KIF1A: variants seen among roughly 807,000 people sequenced by gnomAD.
KIF1A encodes the protein kinesin family member 1A.
Under a neutral mutation model 227.3 loss-of-function variants are expected in KIF1A, and 46 were observed. The observed-to-expected ratio is 0.20, with a 90% CI of 0.16 to 0.26. KIF1A has a LOEUF of 0.26. KIF1A is among the 10% of genes least tolerant of loss of function. The pLI is 1.00. For missense variants in KIF1A, 1,683 were observed against 2,485.9 expected (o/e 0.68, Z 6.87); for synonymous variants, 1,022 against 1,012.8 (o/e 1.01, Z -0.17).
rs982977592 is a variant in KIF1A, at chr2:240,720,971, G to A, written c.4811C>T (p.Thr1604Ile). The change falls in exon 45 of 49, where the codon ACC (threonine) becomes ATC (isoleucine). Residue 1604 changes from threonine to isoleucine, a missense_variant. Physicochemically the swap from Thr to Ile is moderately conservative, Grantham distance 89 (BLOSUM62 -1). This residue lies in a region of KIF1A where 384 missense variants were observed against 410.1 expected (regional missense o/e 0.94). Transcript: ENST00000498729. ...SMSPLGVATL[T>I]PSSTCPSLVE... ...CAGAGAGGGGCAAGTGGAGGAGGGG[G>A]TGAGAGTGGCCACCCCTAGAGGGGA... The A allele has an allele frequency of 6.2e-7, 1 of 1,605,952 alleles. No homozygotes were observed. The highest frequency in any genetic ancestry group is 8.5e-7 in the Non-Finnish European group (1 of 1,176,806).
rs944774643 is a variant in KIF1A, at chr2:240,747,465, C to T, written c.2978-144G>A. ...CAGACCCCTGACCGAATCTGCCACCCGTGGCTCAGTGACAACCAGGGCATG... is the reference window on the plus strand; with the variant it reads ...CAGACCCCTGACCGAATCTGCCACCTGTGGCTCAGTGACAACCAGGGCATG... On this transcript the variant is annotated intron_variant, in intron 28 of 48. Coordinates refer to ENST00000498729, the MANE Select transcript of KIF1A (RefSeq NM_001244008.2). 1.4e-4 allele frequency: 90 copies of T among 627,928 alleles called. 1 individual carries two copies. The Admixed American group carries it at 1.6e-3, about 11-fold the overall frequency. 38.9% of individuals were successfully genotyped at this position (627,928 alleles called of 1,614,324 possible).
rs560673774 is a variant in KIF1A at position 240,807,930 on chromosome 2, G to A, written c.-60-10118C>T. 1.7e-3 allele frequency among the ~76,000 whole-genome samples: 266 copies of A among 152,190 alleles called. 1 individual carries two copies. Among genetic ancestry groups the A allele is most frequent in the African/African-American group, 5.3e-3 (221 of 41,536 alleles). ...GAGGCCCTCAATAGATACTAAAAAAGCATTCCATAATTTTCAAGACTCATT... is the reference window on the plus strand; with the variant it reads ...GAGGCCCTCAATAGATACTAAAAAAACATTCCATAATTTTCAAGACTCATT... On this transcript the variant is annotated intron_variant, in intron 1 of 48. Coordinates refer to ENST00000498729, the MANE Select transcript of KIF1A (RefSeq NM_001244008.2).
intron 1 of KIF1A, among the ~76,000 whole-genome samples, chr2:240,807,457 T>C (rs1433004785): frequency 1.3e-5 from 2 of 152,182 alleles, no homozygotes; most frequent in Non-Finnish European, 2.9e-5. Context: ...CCATATATTT[T>C]AAATCATCTC....
At chr2:240,728,476 A>G in intron 38 of KIF1A, 1 of 1,106,490 alleles carries the variant, frequency 9.0e-7, no homozygotes, top group South Asian at 1.3e-5. Flanking sequence ...TGTCAGAACA[A>G]GCACCGGCAC....
rs541449503 is a variant in KIF1A at position 240,812,118 on chromosome 2, C to T, written c.-61+8004G>A. Among the ~76,000 whole-genome samples, 4 of 152,310 alleles carry T rather than the reference C, an allele frequency of 2.6e-5. No homozygotes were observed. In the South Asian group the frequency reaches 6.2e-4, roughly 24 times the overall value. On this transcript the variant is annotated intron_variant, in intron 1 of 48. Coordinates refer to ENST00000498729, the MANE Select transcript of KIF1A (RefSeq NM_001244008.2). ...CCACTGGGCGCACCGGGCCACGCCC[C>T]GCAAGTCACTGCAGGCACAGAGGGC...
intron 44 of KIF1A, 123 bp downstream of exon 44, chr2:240,721,684 G>A (rs561408311): frequency 8.2e-4 from 662 of 803,180 alleles, no homozygotes; most frequent in Non-Finnish European, 1.3e-3. Flanking sequence ...TCTGCACTGA[G>A]ACGTGTTCCT....
chr2:240,762,713 C>T lies in KIF1A; in HGVS notation c.2116+6G>A. The T allele has an allele frequency of 6.3e-7, 1 of 1,584,334 alleles. No homozygotes were observed. The highest frequency in any genetic ancestry group is 8.6e-7 in the Non-Finnish European group (1 of 1,158,908). Reference sequence around the variant, plus strand: ...CGCAGCAGGTGCTGGCCCAGTGACCCCTCACCTTCATCCTCGGGCTCCTCC... The same window carrying T: ...CGCAGCAGGTGCTGGCCCAGTGACCTCTCACCTTCATCCTCGGGCTCCTCC... On this transcript the variant is annotated splice_donor_region_variant and intron_variant, in intron 23 of 48. Transcript: ENST00000498729.
At chr2:240,742,587 C>A (rs565856475) in intron 34 of KIF1A, among the ~76,000 whole-genome samples, 1 of 152,176 alleles carries the variant, frequency 6.6e-6, no homozygotes, top group African/African-American at 2.4e-5. Context: ...CTCAGACCCC[C>A]GTGAAGGAGC....
chr2:240,786,308 G>A (rs867728886), intron 6 of KIF1A, 27 bp downstream of exon 6: 1 of 1,607,298 alleles, frequency 6.2e-7, no homozygotes, highest in Non-Finnish European at 8.5e-7. Context: ...AGGAGGGCAG[G>A]GAGGTCCAGT....
In KIF1A at chr2:240,740,088, G is replaced by T; in HGVS notation, c.3871C>A (p.Arg1291Ser). 6.3e-7 allele frequency: 1 copy of T among 1,589,596 alleles called. No homozygotes were observed. The highest frequency in any genetic ancestry group is 8.6e-7 in the Non-Finnish European group (1 of 1,168,606). ...ACCAGCTCGCGCACTTCCTTCCAGC[G>T]GATATGGCTGCCTGTCTCATGCAGT... ...TLLHETGSHIRWKEVRELVVG... is the reference protein window; with the variant it reads ...TLLHETGSHISWKEVRELVVG... The change falls in exon 37 of 49, where the codon CGC becomes AGC. Residue 1291 changes from arginine (R) to serine (S), a missense_variant. By Grantham distance (110) the Arg-to-Ser change is moderately radical. Transcript: ENST00000498729. This position sits in a 1 kb window ranked among gnomAD's most constrained non-coding sequence, Gnocchi z 6.1.
chr2:240,787,239 G>A lies in KIF1A; in HGVS notation c.429+12C>T, dbSNP rs369474529. 116 of 1,609,334 alleles carry A rather than the reference G, an allele frequency of 7.2e-5. No individual in the cohort carries two copies. Among genetic ancestry groups the A allele is most frequent in the East Asian group, 2.0e-4 (9 of 44,834 alleles). ...CCTGCCCCAGCGGCCAACGGCAGGCGGGGAGCCCTACCTCCACGGAGTAGG... is the reference window on the plus strand; with the variant it reads ...CCTGCCCCAGCGGCCAACGGCAGGCAGGGAGCCCTACCTCCACGGAGTAGG... On this transcript the variant is annotated intron_variant, in intron 5 of 48. Coordinates refer to ENST00000498729, the MANE Select transcript of KIF1A (RefSeq NM_001244008.2).
intron 11 of KIF1A, 66 bp from the exon 12 acceptor site, chr2:240,774,327 C>A (rs1035451766): frequency 1.4e-5 from 15 of 1,070,192 alleles, no homozygotes; most frequent in East Asian, 4.9e-5. Flanking sequence ...TCTGCTCCCC[C>A]CTTCCCCCCA....
intron 13 of KIF1A, among the ~76,000 whole-genome samples, 177 bp downstream of exon 13, chr2:240,772,937 C>T (rs971431150): frequency 1.3e-5 from 2 of 152,152 alleles, no homozygotes; most frequent in Non-Finnish European, 2.9e-5. Context: ...TGCCCAGGAA[C>T]GTGGAGCAGG....
At position 240,766,761 on chromosome 2, in the gene KIF1A, A is replaced by T. The variant is rs2051255898; in HGVS notation, c.1684+154T>A. Among the ~76,000 whole-genome samples, 1 of 150,032 alleles carries T rather than the reference A, an allele frequency of 6.7e-6. No individual in the cohort carries two copies. Among genetic ancestry groups the T allele is most frequent in the African/African-American group, 2.5e-5 (1 of 40,432 alleles). ...CTCTCTCTCTCTCTCACACACACAC[A>T]CACACACACACACACACACACACAC... On this transcript the variant is annotated intron_variant, in intron 19 of 48. Transcript: ENST00000498729. This position sits in a 1 kb window ranked among gnomAD's most constrained non-coding sequence, Gnocchi z 5.0.
chr2:240,721,334 C>T (rs1181387635), intron 44 of KIF1A, among the ~76,000 whole-genome samples: 1 of 152,264 alleles, frequency 6.6e-6, no homozygotes, highest in African/African-American at 2.4e-5. Context: ...CCTGCCCATG[C>T]CAGCGTGAGG....
In KIF1A at chr2:240,746,233, C is replaced by T. The variant is rs571862192; in HGVS notation, c.3064-56G>A. 6.5e-6 allele frequency: 10 copies of T among 1,533,906 alleles called. No homozygotes were observed. In the Admixed American group the frequency reaches 8.2e-5, roughly 13 times the overall value. On this transcript the variant is annotated intron_variant, in intron 29 of 48. Coordinates refer to ENST00000498729, the MANE Select transcript of KIF1A (RefSeq NM_001244008.2). The stretch of plus-strand genomic sequence containing the variant: ...GCCAGGAGCCAGCCGAGGAGGGGCA[C>T]CGTAGACCCTGCCACAGGCCCACGG...
At chr2:240,721,975 G>A in intron 43 of KIF1A, 91 bp from the exon 44 acceptor site, 1 of 1,074,058 alleles carries the variant, frequency 9.3e-7, no homozygotes, top group South Asian at 1.3e-5. Flanking sequence ...CCCCTCCCCA[G>A]ACACAGGTGG....
Position 240,743,947 on chromosome 2 carries a change from C to T in KIF1A, c.3579G>A (p.Val1193=), listed in dbSNP as rs1452876502. 3.7e-6 allele frequency: 6 copies of T among 1,610,830 alleles called. No individual in the cohort carries two copies. The highest frequency in any genetic ancestry group is 2.7e-5 in the African/African-American group (2 of 74,968). Residue 1193 remains valine, a synonymous_variant, in exon 33 of 49, where the codon GTG becomes GTA. Coordinates refer to ENST00000498729, the MANE Select transcript of KIF1A (RefSeq NM_001244008.2). ...CCCCGACCCAGGGCGCTAACCTGAG[C>T]ACGTCCTTGCAGAGGGGCGGGAACG... The part of the protein sequence containing the change: ...QHPFPPLCKD[V]LSPLRPSRRH...
At position 240,737,064 on chromosome 2, in the gene KIF1A, G is replaced by A. The variant is rs367883171; in HGVS notation, c.4006C>T (p.Arg1336Trp). 20 of 1,610,360 alleles carry A rather than the reference G, an allele frequency of 1.2e-5. No homozygotes were observed. In the Admixed American group the frequency reaches 1.3e-4, roughly 11 times the overall value. Reference sequence around the variant, plus strand: ...GTCTCCAGGGAGTCTCCGACTCACCGGTCATCTTGGGCTGGGTGGATGTAT... The same window carrying A: ...GTCTCCAGGGAGTCTCCGACTCACCAGTCATCTTGGGCTGGGTGGATGTAT... ...SGYIHPAQDDRTFYQFEAAWD... is the reference protein window; with the variant it reads ...SGYIHPAQDDWTFYQFEAAWD... Residue 1336 changes from arginine to tryptophan, a missense_variant and splice_region_variant, in exon 38 of 49, where the codon CGG (arginine) becomes TGG (tryptophan). By Grantham distance (101) the Arg-to-Trp change is moderately radical. This residue lies in a region of KIF1A where 759 missense variants were observed against 1,020.2 expected (regional missense o/e 0.74). Transcript: ENST00000498729.
Sources: allele counts gnomAD v4.1 joint callset (sites outside exome capture counted in the v4.1 genomes callset), GRCh38; gene constraint gnomAD v4.1.1; regional missense constraint gnomAD v4.1.1; non-coding constraint Gnocchi (gnomAD v3.1); transcripts MANE v1.5; gene names NCBI Gene and HGNC (gene_info 2026-07-23, HGNC 2026-07-21).